Variants in PARD3 observed in about 807,000 individuals in gnomAD.
The protein encoded by PARD3 is par-3 family cell polarity regulator, also known as partitioning defective 3 homolog.
Under a neutral mutation model 155.4 loss-of-function variants are expected in PARD3, and 75 were observed. The ratio of observed to expected loss-of-function variants is 0.48; its 90% CI spans 0.40 to 0.58. PARD3 has a LOEUF of 0.58. PARD3 is among the 20% of genes least tolerant of loss of function. PARD3 has a pLI of 0.00. For synonymous variants in PARD3, 576 were observed against 610.5 expected, an observed-to-expected ratio of 0.94 and a Z score of 0.83; for missense variants, 1,642 against 1,721.7, an observed-to-expected ratio of 0.95 and a Z score of 0.82.
At chr10:34,398,407 C>T (rs1418846539) in intron 7 of PARD3, among the ~76,000 whole-genome samples, 1 of 151,978 alleles carries the variant, frequency 6.6e-6, no homozygotes, top group Non-Finnish European at 1.5e-5. Flanking sequence ...ATAAGTCTAC[C>T]CTCCAACTTC....
chr10:34,324,271 A>G (rs1958549882), intron 19 of PARD3, among the ~76,000 whole-genome samples: 1 of 152,226 alleles, frequency 6.6e-6, no homozygotes, highest in East Asian at 1.9e-4. Context: ...CTTACCTACC[A>G]TGAAACATAA....
chr10:34,791,608 G>A (rs1841623023), intron 1 of PARD3, among the ~76,000 whole-genome samples: 1 of 152,206 alleles, frequency 6.6e-6, no homozygotes, highest in African/African-American at 2.4e-5. Context: ...AGGTGTGGTA[G>A]TGAGCGCCTA....
chr10:34,705,976 C>T (rs1397623030), intron 1 of PARD3, among the ~76,000 whole-genome samples: 1 of 152,074 alleles, frequency 6.6e-6, no homozygotes, highest in Non-Finnish European at 1.5e-5. Flanking sequence ...AGAAATCAGC[C>T]CATCGATGAC....
At chr10:34,787,835 C>G (rs1459561917) in intron 1 of PARD3, among the ~76,000 whole-genome samples, 1 of 150,198 alleles carries the variant, frequency 6.7e-6, no homozygotes, top group Non-Finnish European at 1.5e-5. Flanking sequence ...CTCTGGTGTA[C>G]AGTGGCGCAA....
At chr10:34,439,478 G>A (rs1266562865) in intron 5 of PARD3, among the ~76,000 whole-genome samples, 1 of 150,026 alleles carries the variant, frequency 6.7e-6, no homozygotes, top group East Asian at 1.9e-4. Context: ...TTCTTTTCTT[G>A]AGAGAGTTTC....
chr10:34,288,963 A>G (rs558665081), intron 20 of PARD3, among the ~76,000 whole-genome samples: 35 of 152,196 alleles, frequency 2.3e-4, no homozygotes, highest in Admixed American at 5.9e-4. Flanking sequence ...AAAATAGAAG[A>G]ACGACCTTCT....
At chr10:34,217,543 C>G (rs571499750) in intron 22 of PARD3, among the ~76,000 whole-genome samples, 22 of 152,008 alleles carry the variant, frequency 1.4e-4, no homozygotes, top group Admixed American at 6.5e-4. Context: ...AATGGGGGGC[C>G]GGTGTGTCAA....
At chr10:34,305,623 C>T (rs1024436374) in intron 20 of PARD3, among the ~76,000 whole-genome samples, 7 of 152,206 alleles carry the variant, frequency 4.6e-5, no homozygotes, top group African/African-American at 1.7e-4. Flanking sequence ...AGGGAATTTC[C>T]CAACATGGAA....
At chr10:34,431,600 C>T (rs1381502581) in intron 5 of PARD3, among the ~76,000 whole-genome samples, 1 of 151,708 alleles carries the variant, frequency 6.6e-6, no homozygotes, top group Non-Finnish European at 1.5e-5. Context: ...ATTAGCTAGG[C>T]ATGGTGGTGT....
At chr10:34,715,717 T>A (rs1205018619) in intron 1 of PARD3, among the ~76,000 whole-genome samples, 1 of 152,214 alleles carries the variant, frequency 6.6e-6, no homozygotes, top group Non-Finnish European at 1.5e-5. Context: ...ATGCATTCAT[T>A]CCACAAATAT....
intron 1 of PARD3, among the ~76,000 whole-genome samples, chr10:34,712,667 A>T (rs2094464436): frequency 6.6e-6 from 1 of 152,146 alleles, no homozygotes; most frequent in Non-Finnish European, 1.5e-5. Context: ...CCAAGGTGAC[A>T]CATTAGGAAG....
intron 22 of PARD3, among the ~76,000 whole-genome samples, chr10:34,167,336 T>C (rs1348130288): frequency 6.6e-6 from 1 of 152,176 alleles, no homozygotes; most frequent in Non-Finnish European, 1.5e-5. Flanking sequence ...TGCATTTTGG[T>C]GTGTGATGGG....
At chr10:34,244,683 T>C (rs1178783213) in intron 22 of PARD3, among the ~76,000 whole-genome samples, 1 of 152,232 alleles carries the variant, frequency 6.6e-6, no homozygotes, top group Non-Finnish European at 1.5e-5. Context: ...TACAATCTAA[T>C]TTTAAAAATT....
intron 22 of PARD3, among the ~76,000 whole-genome samples, chr10:34,199,960 C>T (rs1951134320): frequency 6.6e-6 from 1 of 152,086 alleles, no homozygotes; most frequent in African/African-American, 2.4e-5. Flanking sequence ...TGTTATTATC[C>T]TGAGTTTGGT....
At chr10:34,353,302 G>A (rs1192424471) in intron 14 of PARD3, among the ~76,000 whole-genome samples, 1 of 152,218 alleles carries the variant, frequency 6.6e-6, no homozygotes, top group Non-Finnish European at 1.5e-5. Context: ...AAAAGAAAGA[G>A]AGATCAGATT....
chr10:34,402,476 GTAAA>G (rs1843993483), intron 5 of PARD3, among the ~76,000 whole-genome samples: 1 of 152,084 alleles, frequency 6.6e-6, no homozygotes, highest in Admixed American at 6.6e-5. Context: ...GCTTCATCCC[GTAAA>G]ATTTCACATA....
intron 22 of PARD3, among the ~76,000 whole-genome samples, chr10:34,145,221 A>ATATTT (rs1491430560): frequency 2.9e-5 from 1 of 33,970 alleles, no homozygotes; most frequent in Non-Finnish European, 5.0e-5. Context: ...ATATATATAT[A>ATATTT]TTTTTTTTTT....
intron 2 of PARD3, among the ~76,000 whole-genome samples, chr10:34,694,572 G>A (rs190809889): frequency 2.1e-5 from 3 of 142,172 alleles, no homozygotes; most frequent in Non-Finnish European, 3.0e-5. Context: ...CCAGGTTCAC[G>A]CCATTCTCCT....
chr10:34,624,569 T>C (rs541008420), intron 2 of PARD3, among the ~76,000 whole-genome samples: 4 of 152,320 alleles, frequency 2.6e-5, no homozygotes, highest in South Asian at 4.1e-4. Flanking sequence ...ATGTAGCCAG[T>C]AAGACCCAAT....
Sources: allele counts gnomAD v4.1 joint callset (sites outside exome capture counted in the v4.1 genomes callset), GRCh38; gene constraint gnomAD v4.1.1; transcripts MANE v1.5; gene names NCBI Gene and HGNC (gene_info 2026-07-23, HGNC 2026-07-21).